VBP1: variants seen among roughly 807,000 people sequenced by gnomAD.
VBP1 encodes the protein prefoldin subunit 3.
VBP1 carries 4 observed loss-of-function variants against 15.5 expected under a neutral mutation model. The observed-to-expected ratio is 0.26, with a 90% CI of 0.13 to 0.59. VBP1 has a LOEUF of 0.59. Ranked by LOEUF, VBP1 falls within the 20% of genes least tolerant of loss-of-function variation. The probability of loss-of-function intolerance (pLI) is 0.90; values close to 1 mark genes in which losing one functional copy is unlikely to be tolerated. For synonymous variants in VBP1, 61 were observed against 52.1 expected (o/e 1.17, Z -0.74); for missense variants, 108 against 139.6 (o/e 0.77, Z 1.14).
rs113007852 is a variant in VBP1, at chrX:155,223,738, G to A, written c.218+3431G>A. 2.5e-3 allele frequency among the ~76,000 whole-genome samples: 273 copies of A among 111,167 alleles called. 4 individuals are homozygous for A. The East Asian group carries it at 0.067, about 27-fold the overall frequency. The stretch of plus-strand genomic sequence containing the variant: ...ACACCTCCCAGACGGGGTGGCGGCC[G>A]GGCAGAGGGGCTCCTCACTTCCCAG... On this transcript the variant is annotated intron_variant, in intron 2 of 5. Transcript: ENST00000286428.
At chrX:155,235,116 A>ATGTGTG (rs112094871) in intron 4 of VBP1, among the ~76,000 whole-genome samples, 23 of 97,425 alleles carry the variant, frequency 2.4e-4, no homozygotes, top group African/African-American at 7.6e-4. Context: ...GTGTGTGTGT[A>ATGTGTG]TGTGTGTGTG....
intron 1 of VBP1, among the ~76,000 whole-genome samples, chrX:155,197,407 T>A (rs1234283955): frequency 3.6e-5 from 4 of 111,927 alleles, no homozygotes; most frequent in African/African-American, 1.3e-4. Context: ...CTGTCTTGGC[T>A]ATAAAAAGTT....
rs1243886590 is a variant in VBP1 at position 155,239,108 on chromosome X, A to G, written c.*266A>G. 1.3e-5 allele frequency: 3 copies of G among 234,609 alleles called. No homozygotes were observed. Among genetic ancestry groups the G allele is most frequent in the African/African-American group, 8.7e-5 (3 of 34,328 alleles). The allele number at this position is 234,609 out of a possible 1,213,427, so 19.3% of individuals were successfully genotyped here. ...GAAAACTCTTAGCTGAAATGGCCGA[A>G]AACTGTGAGACATGCTATGGAAGCT... is the stretch of plus-strand genomic sequence containing the variant. On this transcript the variant is annotated 3_prime_UTR_variant, in exon 6 of 6. Transcript: ENST00000286428.
At chrX:155,223,532 C>T (rs1557309832) in intron 2 of VBP1, among the ~76,000 whole-genome samples, 7 of 111,854 alleles carry the variant, frequency 6.3e-5, no homozygotes. Context: ...TATAGATTAA[C>T]AGCATCCCAA....
At chrX:155,212,250 C>T (rs1031377993), upstream of VBP1, among the ~76,000 whole-genome samples, 8 of 111,839 alleles carry the variant, frequency 7.2e-5, no homozygotes, top group Admixed American at 2.8e-4. Flanking sequence ...CTTCATGTAT[C>T]CTAAGGAGTC....
At chrX:155,202,083 A>G (rs1405534902) in intron 1 of VBP1, among the ~76,000 whole-genome samples, 3 of 111,582 alleles carry the variant, frequency 2.7e-5, no homozygotes, top group Non-Finnish European at 5.7e-5. Context: ...AAGGAGAACT[A>G]CAAACCACTG....
In VBP1 at chrX:155,227,289, G is replaced by A; in HGVS notation, c.273G>A (p.Met91Ile). The A allele has an allele frequency of 8.6e-7, 1 of 1,168,325 alleles. No homozygotes were observed. Among genetic ancestry groups the A allele is most frequent in the Non-Finnish European group, 1.1e-6 (1 of 877,416 alleles). ...IKQTLEILKY[M>I]QKKKESTNSM... ...AGACTTTGGAAATTCTAAAATACAT[G>A]CAGAAGAAAAAAGTAAGTGCATTTT... Residue 91 changes from methionine to isoleucine, a missense_variant, in exon 3 of 6, where the codon ATG (methionine) becomes ATA (isoleucine). Met to Ile is a conservative substitution (Grantham distance 10). Coordinates refer to ENST00000286428, the MANE Select transcript of VBP1 (RefSeq NM_003372.7).
intron 2 of VBP1, 132 bp from the exon 3 acceptor site, chrX:155,227,103 A>G: frequency 3.8e-6 from 1 of 260,129 alleles, no homozygotes; most frequent in Non-Finnish European, 7.0e-6. Flanking sequence ...ATATCTAAAA[A>G]TATCTTAAGT....
intron 3 of VBP1, among the ~76,000 whole-genome samples, chrX:155,227,733 A>T (rs1557310379): frequency 8.9e-6 from 1 of 112,137 alleles, no homozygotes. Flanking sequence ...TAGTTGAGGA[A>T]ATGGTTATGG....
At chrX:155,234,724 T>TC (rs2074763795) in intron 4 of VBP1, among the ~76,000 whole-genome samples, 2 of 111,339 alleles carry the variant, frequency 1.8e-5, no homozygotes, top group Non-Finnish European at 3.8e-5. Context: ...TATGTTGATG[T>TC]CCCCCCAGTC....
At chrX:155,238,558 T>A (rs1347466917) in intron 5 of VBP1, among the ~76,000 whole-genome samples, 2 of 112,087 alleles carry the variant, frequency 1.8e-5, no homozygotes, top group Non-Finnish European at 3.8e-5. Context: ...GGGTTAACAA[T>A]TAATTTGAGT....
chrX:155,215,711 A>C (rs372012595), upstream of VBP1, among the ~76,000 whole-genome samples: 1 of 112,144 alleles, frequency 8.9e-6, no homozygotes, highest in East Asian at 2.8e-4. Flanking sequence ...CTCCAGTGAA[A>C]TAAAGCACAG....
At chrX:155,210,265 T>C (rs974826173) in intron 2 of VBP1, among the ~76,000 whole-genome samples, 15 of 110,366 alleles carry the variant, frequency 1.4e-4, no homozygotes, top group South Asian at 3.9e-4. Context: ...CTGGGCAACA[T>C]TGCGAGGCCC....
intron 4 of VBP1, among the ~76,000 whole-genome samples, chrX:155,231,323 T>G (rs1291996072): frequency 8.9e-6 from 1 of 112,269 alleles, no homozygotes; most frequent in Non-Finnish European, 1.9e-5. Context: ...TTTCTACTTC[T>G]GTGTTCTTCA....
At chrX:155,232,024 C>G in intron 4 of VBP1, among the ~76,000 whole-genome samples, 1 of 111,947 alleles carries the variant, frequency 8.9e-6, no homozygotes, top group East Asian at 2.8e-4. Context: ...CCAGAAAAGA[C>G]TACCAATTTT....
chrX:155,203,335 C>T (rs5983645), intron 1 of VBP1, among the ~76,000 whole-genome samples: 53,763 of 109,472 alleles, frequency 0.49, 11,798 homozygotes, highest in East Asian at 0.72. Context: ...GCACTATTCA[C>T]AATAGCGAAG....
intron 4 of VBP1, among the ~76,000 whole-genome samples, chrX:155,229,031 C>G (rs1417469725): frequency 1.8e-5 from 2 of 111,655 alleles, no homozygotes; most frequent in Non-Finnish European, 3.8e-5. Context: ...TCTGACTATC[C>G]AGCTACCTGT....
intron 4 of VBP1, among the ~76,000 whole-genome samples, chrX:155,228,863 G>A (rs2074732351): frequency 8.9e-6 from 1 of 112,299 alleles, no homozygotes; most frequent in Admixed American, 9.4e-5. Flanking sequence ...CTTCCCATAA[G>A]AGTTTAATAA....
intron 2 of VBP1, 141 bp downstream of exon 2, chrX:155,220,448 C>T (rs781785815): frequency 1.3e-5 from 6 of 453,486 alleles, no homozygotes; most frequent in South Asian, 6.9e-5. Context: ...GAAATTCCCA[C>T]CAGCAACGTA....
Sources: gnomAD v4.1 joint callset for allele counts (sites outside exome capture counted in the v4.1 genomes callset) on GRCh38, gnomAD v4.1.1 for gene constraint, MANE v1.5 for transcripts, NCBI Gene and HGNC (gene_info 2026-07-23, HGNC 2026-07-21) for gene names.